Variants in EFR3A observed in about 807,000 individuals in gnomAD.
EFR3A encodes the protein protein EFR3 homolog A.
In EFR3A, 76 loss-of-function variants were observed where a neutral mutation model predicts 104.4. The ratio of observed to expected loss-of-function variants is 0.73; its 90% CI spans 0.60 to 0.88. EFR3A has a LOEUF of 0.88. Among genes scored for constraint, EFR3A ranks in the 40% least tolerant of loss-of-function variants. The probability of loss-of-function intolerance (pLI) is 0.00; values close to 1 mark genes in which losing one functional copy is unlikely to be tolerated. For missense variants in EFR3A, 985 were observed against 1,012.5 expected (o/e 0.97, Z 0.37); for synonymous variants, 330 against 330.0 (o/e 1.00, Z 0.00).
At chr8:131,977,406 TA>T (rs1199829960) in intron 12 of EFR3A, among the ~76,000 whole-genome samples, 3 of 152,088 alleles carry the variant, frequency 2.0e-5, no homozygotes, top group Non-Finnish European at 4.4e-5. Flanking sequence ...GTCACTGGGC[TA>T]AAAAACAGAA....
In EFR3A at chr8:132,012,616, T is replaced by C. The variant is rs1031387609; in HGVS notation, c.*1721T>C. The stretch of plus-strand genomic sequence containing the variant: ...AATTGCCCTTTTTTCCTTCTGTATT[T>C]TTAAAGAAGGATGTTAATTTTTGAC... On this transcript the variant is annotated 3_prime_UTR_variant, in exon 23 of 23. Coordinates refer to ENST00000254624, the MANE Select transcript of EFR3A (RefSeq NM_015137.6). 4 of 152,568 alleles carry C rather than the reference T, an allele frequency of 2.6e-5. No individual in the cohort carries two copies. The highest frequency in any genetic ancestry group is 9.7e-5 in the African/African-American group (4 of 41,444). 9.5% of individuals were successfully genotyped at this position (152,568 alleles called of 1,614,324 possible).
Position 131,984,922 on chromosome 8 carries a change from A to T in EFR3A, c.1738-7A>T, listed in dbSNP as rs573719647. On this transcript the variant is annotated splice_polypyrimidine_tract_variant and splice_region_variant and intron_variant, in intron 15 of 22. Coordinates refer to ENST00000254624, the MANE Select transcript of EFR3A (RefSeq NM_015137.6). ...GATCTCTCTGATGTGTTTGTTTCTT[A>T]TTAAAGGACAGTGCAATTATCAATG... The T allele has an allele frequency of 6.2e-7, 1 of 1,612,096 alleles. No individual in the cohort carries two copies. Among genetic ancestry groups the T allele is most frequent in the Non-Finnish European group, 8.5e-7 (1 of 1,178,770 alleles).
rs2130774551 is a variant in EFR3A, at chr8:131,990,214, C to T, written c.2065+2512C>T. Among the ~76,000 whole-genome samples the T allele has an allele frequency of 1.3e-5, 2 of 152,306 alleles. 1 individual carries two copies. The highest frequency in any genetic ancestry group is 4.1e-4 in the South Asian group (2 of 4,828). On this transcript the variant is annotated intron_variant, in intron 18 of 22. Coordinates refer to ENST00000254624, the MANE Select transcript of EFR3A (RefSeq NM_015137.6). ...ACACAGCAGCTGATTTGGTATTATT[C>T]TAGGTGCATAGGAAATAAGTTAATT...
chr8:131,958,866 A>G (rs1819161568), intron 7 of EFR3A, among the ~76,000 whole-genome samples: 1 of 152,274 alleles, frequency 6.6e-6, no homozygotes, highest in Middle Eastern at 3.4e-3. Context: ...TGACTATGCT[A>G]ATAACCTTAT....
intron 4 of EFR3A, among the ~76,000 whole-genome samples, chr8:131,949,145 A>G (rs992813521): frequency 6.6e-6 from 1 of 152,126 alleles, no homozygotes; most frequent in Non-Finnish European, 1.5e-5. Context: ...AATTTTTGTT[A>G]TAAATAATAC....
intron 4 of EFR3A, among the ~76,000 whole-genome samples, chr8:131,947,223 T>G (rs1212355213): frequency 6.6e-6 from 1 of 152,062 alleles, no homozygotes. Flanking sequence ...CTAGAGCGTC[T>G]GAAGTGGTAT....
intron 2 of EFR3A, among the ~76,000 whole-genome samples, chr8:131,941,839 A>T (rs570398049): frequency 6.6e-6 from 1 of 152,188 alleles, no homozygotes; most frequent in Admixed American, 6.5e-5. Flanking sequence ...AAGAGAAAAG[A>T]CATGGGAAAG....
chr8:131,979,328 T>A lies in EFR3A; in HGVS notation c.1500-18T>A, dbSNP rs1384266116. The A allele has an allele frequency of 6.6e-7, 1 of 1,504,762 alleles. No homozygotes were observed. The highest frequency in any genetic ancestry group is 2.4e-5 in the East Asian group (1 of 41,374). 93.2% of individuals were successfully genotyped at this position (1,504,762 alleles called of 1,614,324 possible). A position where few individuals can be genotyped will look rare whatever the true frequency, so the allele number is the denominator to read the frequency against. On this transcript the variant is annotated intron_variant, in intron 13 of 22. Transcript: ENST00000254624. ...TAAGTGTGCTATTCATTAAAAATGA[T>A]ATATTGATCGTCTCTAGAATAATAC...
chr8:131,913,444 A>G (rs1458321302), intron 1 of EFR3A, among the ~76,000 whole-genome samples: 1 of 150,638 alleles, frequency 6.6e-6, no homozygotes, highest in African/African-American at 2.4e-5. Context: ...ATTTTTATGG[A>G]GGAAGGAAAC....
rs765471153 is a variant in EFR3A at position 131,970,612 on chromosome 8, G to T, written c.1128G>T (p.Lys376Asn). 2 of 1,613,808 alleles carry T rather than the reference G, an allele frequency of 1.2e-6. No individual in the cohort carries two copies. The highest frequency in any genetic ancestry group is 1.1e-5 in the South Asian group (1 of 91,074). ...LNTSSKDNDE[K>N]IVQNAIIQTI... Reference sequence around the variant, plus strand: ...CAAGTTCCAAAGACAATGATGAGAAGATTGTGCAGAATGCTATCATCCAAA... The same window carrying T: ...CAAGTTCCAAAGACAATGATGAGAATATTGTGCAGAATGCTATCATCCAAA... The change falls in exon 10 of 23, where the codon AAG (lysine) becomes AAT (asparagine). Residue 376 changes from lysine (K) to asparagine (N), a missense_variant. Lys to Asn is a moderately conservative substitution (Grantham distance 94, BLOSUM62 0). Transcript: ENST00000254624.
At chr8:131,905,593 C>G (rs1356740909) in intron 1 of EFR3A, among the ~76,000 whole-genome samples, 1 of 152,174 alleles carries the variant, frequency 6.6e-6, no homozygotes, top group Non-Finnish European at 1.5e-5. Context: ...GTCCTTAACT[C>G]ACGTTCTTGG....
chr8:131,989,418 T>C (rs1433294729), intron 18 of EFR3A, among the ~76,000 whole-genome samples: 1 of 152,234 alleles, frequency 6.6e-6, no homozygotes, highest in Non-Finnish European at 1.5e-5. Flanking sequence ...CTAGGCACTG[T>C]GATAAGTGCT....
In EFR3A at chr8:131,956,040, A is replaced by G. The variant is rs186920335; in HGVS notation, c.776+135A>G. On this transcript the variant is annotated intron_variant, in intron 7 of 22. Transcript: ENST00000254624. ...GGAACCAGTGTAACATTGTGAAAGT[A>G]GTACAGGACTGAGTCATGCATGATG... 1.3e-4 allele frequency: 138 copies of G among 1,027,248 alleles called. 1 individual carries two copies. The African/African-American group carries it at 2.0e-3, about 15-fold the overall frequency. 63.6% of individuals were successfully genotyped at this position (1,027,248 alleles called of 1,614,324 possible). A position where few individuals can be genotyped will look rare whatever the true frequency, so the allele number is the denominator to read the frequency against.
intron 8 of EFR3A, among the ~76,000 whole-genome samples, chr8:131,963,986 A>G (rs1364183707): frequency 6.6e-6 from 1 of 152,206 alleles, no homozygotes; most frequent in Non-Finnish European, 1.5e-5. Flanking sequence ...GATTATCTCA[A>G]TAGATGCAGA....
In EFR3A at chr8:131,904,136, T is replaced by C. The variant is rs1447382934; in HGVS notation, c.-177T>C. On this transcript the variant is annotated 5_prime_UTR_variant, in exon 1 of 23. Coordinates refer to ENST00000254624, the MANE Select transcript of EFR3A (RefSeq NM_015137.6). ...CGAGGAGTGGGCTGGCGGCGGTAGC[T>C]GTCGCCCGCTTGGTTGCGTGACCGC... The C allele has an allele frequency of 2.9e-5, 19 of 661,974 alleles. No individual in the cohort carries two copies. The highest frequency in any genetic ancestry group is 7.6e-5 in the South Asian group (1 of 13,078). The allele number at this position is 661,974 out of a possible 1,614,324, so 41.0% of individuals were successfully genotyped here. A position where few individuals can be genotyped will look rare whatever the true frequency, so the allele number is the denominator to read the frequency against.
At chr8:131,932,690 G>C (rs772709621) in intron 1 of EFR3A, among the ~76,000 whole-genome samples, 20 of 152,096 alleles carry the variant, frequency 1.3e-4, no homozygotes, top group Non-Finnish European at 2.6e-4. Context: ...TTGATTGGTT[G>C]AAATACACTC....
At chr8:131,986,327 A>G (rs1820878876) in intron 17 of EFR3A, 66 bp downstream of exon 17, 1 of 762,118 alleles carries the variant, frequency 1.3e-6, no homozygotes, top group Non-Finnish European at 2.1e-6. Context: ...TAATAATTAT[A>G]AAGGAGTAAA....
At chr8:131,942,898 T>C (rs1445946437) in intron 2 of EFR3A, among the ~76,000 whole-genome samples, 1 of 152,098 alleles carries the variant, frequency 6.6e-6, no homozygotes, top group Non-Finnish European at 1.5e-5. Context: ...ACTGTATGAT[T>C]CTATTTATGT....
chr8:131,911,908 A>C (rs985521049), intron 1 of EFR3A, among the ~76,000 whole-genome samples: 7 of 152,322 alleles, frequency 4.6e-5, no homozygotes, highest in African/African-American at 1.4e-4. Context: ...AAGGTAGGTC[A>C]GGTAATTTCT....
Sources: allele counts gnomAD v4.1 joint callset (sites outside exome capture counted in the v4.1 genomes callset), GRCh38; gene constraint gnomAD v4.1.1; transcripts MANE v1.5; gene names NCBI Gene and HGNC (gene_info 2026-07-23, HGNC 2026-07-21).